The following RFC2 variants were observed in gnomAD, a reference collection of about 807,000 sequenced individuals.
The protein encoded by RFC2 is A1 40 kDa subunit.
In RFC2, 34 loss-of-function variants were observed where a neutral mutation model predicts 44.8. The ratio of observed to expected loss-of-function variants is 0.76; its 90% CI spans 0.58 to 1.01. RFC2 has a LOEUF of 1.01. Ranked by LOEUF, RFC2 falls within the 50% of genes least tolerant of loss-of-function variation. The pLI is 0.00. For synonymous variants in RFC2, 177 were observed against 168.9 expected (o/e 1.05, Z -0.37); for missense variants, 400 against 453.6 (o/e 0.88, Z 1.07).
At chr7:74,251,979 G>A (rs1554721159) in intron 2 of RFC2, among the ~76,000 whole-genome samples, 2 of 149,242 alleles carry the variant, frequency 1.3e-5, no homozygotes, top group African/African-American at 5.0e-5. Context: ...GGCGCCTGTA[G>A]TCCCAGTTAC....
At chr7:74,235,347 A>G (rs1328618046) in intron 10 of RFC2, among the ~76,000 whole-genome samples, 185 bp downstream of exon 10, 1 of 151,862 alleles carries the variant, frequency 6.6e-6, no homozygotes, top group Non-Finnish European at 1.5e-5. Context: ...ATGCCCAGCT[A>G]ATTTTTGTAT....
chr7:74,243,217 C>T lies in RFC2; in HGVS notation c.464G>A (p.Arg155Lys). Residue 155 changes from arginine (R) to lysine (K), a missense_variant, in exon 6 of 11, where the codon AGG (arginine) becomes AAG (lysine). Transcript: ENST00000055077. ...SMTDGAQQAL[R>K]RTMEIYSKTT... The stretch of plus-strand genomic sequence containing the variant: ...TTTAGAGTAGATTTCCATGGTTCTC[C>T]TCAAGGCTTGCTGGGCTCCGTCGGT... 6.2e-7 allele frequency: 1 copy of T among 1,613,850 alleles called. No individual in the cohort carries two copies. The highest frequency in any genetic ancestry group is 8.5e-7 in the Non-Finnish European group (1 of 1,179,804).
In RFC2 at chr7:74,238,963, A is replaced by G. The variant is rs1554718802; in HGVS notation, c.719T>C (p.Phe240Ser). The stretch of plus-strand genomic sequence containing the variant: ...ACTGTTAATGAAGCCAAATCCTGAG[A>G]AGGTGGACTGCAGGTTGTTCAGCGC... Reference protein sequence around the residue: ...RQALNNLQSTFSGFGFINSEN... With the variant: ...RQALNNLQSTSSGFGFINSEN... Residue 240 changes from phenylalanine (F) to serine (S), a missense_variant, in exon 8 of 11, where the codon TTC becomes TCC. Transcript: ENST00000055077. This position sits in a 1 kb window ranked among gnomAD's most constrained non-coding sequence, Gnocchi z 4.0. The G allele has an allele frequency of 1.2e-6, 2 of 1,613,990 alleles. No homozygotes were observed. The highest frequency in any genetic ancestry group is 2.2e-5 in the South Asian group (2 of 91,082).
Position 74,252,490 on chromosome 7 carries a change from T to C in RFC2, c.122A>G (p.Lys41Arg). The change falls in exon 2 of 11, where the codon AAA (lysine) becomes AGA (arginine). Residue 41 changes from lysine (K) to arginine (R), a missense_variant. By Grantham distance (26) the Lys-to-Arg change is conservative (BLOSUM62 2). Coordinates refer to ENST00000055077, the MANE Select transcript of RFC2 (RefSeq NM_181471.3). ...TTCATTCAGCTTTACTGGCCTATAT[T>C]TTTCAACCCTGTTAAGAAAATGCAT... ...AGHYELPWVE[K>R]YRPVKLNEIV... The C allele has an allele frequency of 6.3e-7, 1 of 1,596,954 alleles. No individual in the cohort carries two copies. Among genetic ancestry groups the C allele is most frequent in the East Asian group, 2.2e-5 (1 of 44,784 alleles).
intron 2 of RFC2, among the ~76,000 whole-genome samples, chr7:74,251,897 A>G (rs1435087519): frequency 1.4e-5 from 2 of 147,116 alleles, no homozygotes; most frequent in African/African-American, 2.5e-5. Context: ...GGAGATCGAG[A>G]CCATCCTGGC....
Position 74,238,457 on chromosome 7 carries a change from T to G in RFC2, c.759+466A>C, listed in dbSNP as rs560484690. Among the ~76,000 whole-genome samples, 1 of 152,150 alleles carries G rather than the reference T, an allele frequency of 6.6e-6. No homozygotes were observed. The highest frequency in any genetic ancestry group is 1.9e-4 in the East Asian group (1 of 5,164). On this transcript the variant is annotated intron_variant, in intron 8 of 10. Coordinates refer to ENST00000055077, the MANE Select transcript of RFC2 (RefSeq NM_181471.3). This position sits in a 1 kb window ranked among gnomAD's most constrained non-coding sequence, Gnocchi z 4.0. ...TGGCTTTGAGGGTTACTACCCACCC[T>G]CCAGGGGCAGAAGTGGGGAGCAGGG...
intron 4 of RFC2, among the ~76,000 whole-genome samples, chr7:74,247,448 T>C (rs988829408): frequency 6.6e-6 from 1 of 152,188 alleles, no homozygotes; most frequent in African/African-American, 2.4e-5. Context: ...AAGATCAACC[T>C]GGCCAACACG....
intron 8 of RFC2, among the ~76,000 whole-genome samples, chr7:74,237,667 A>T (rs1294787117): frequency 1.3e-5 from 2 of 152,204 alleles, no homozygotes; most frequent in Non-Finnish European, 2.9e-5. Context: ...AAGACAGATG[A>T]ACAAGAGAGC....
At chr7:74,237,223 C>A (rs1396425613) in intron 9 of RFC2, 139 bp downstream of exon 9, 7 of 605,072 alleles carry the variant, frequency 1.2e-5, no homozygotes, top group Non-Finnish European at 2.2e-5. Flanking sequence ...AACAAATCCT[C>A]CTGCCTCAGT....
intron 6 of RFC2, among the ~76,000 whole-genome samples, chr7:74,242,542 A>G (rs893897271): frequency 1.3e-5 from 2 of 152,152 alleles, no homozygotes; most frequent in African/African-American, 4.8e-5. Context: ...TCAATTAAAA[A>G]AATATAAATT....
At chr7:74,249,180 G>C in intron 3 of RFC2, 62 bp from the exon 4 acceptor site, 4 of 1,609,688 alleles carry the variant, frequency 2.5e-6, no homozygotes, top group Non-Finnish European at 3.4e-6. Context: ...TAGCTCTTGA[G>C]TTATGTTCAC....
rs1313468420 is a variant in RFC2, at chr7:74,246,655, A to ACT, written c.434+5_434+6dup. 1 of 1,576,162 alleles carries ACT rather than the reference A, an allele frequency of 6.3e-7. No homozygotes were observed. Among genetic ancestry groups the ACT allele is most frequent in the Non-Finnish European group, 8.7e-7 (1 of 1,149,614 alleles). On this transcript the variant is annotated splice_region_variant and intron_variant, in intron 5 of 10. Coordinates refer to ENST00000055077, the MANE Select transcript of RFC2 (RefSeq NM_181471.3). ...AAGGTCAAAATACATTTGGCAAAGC[A>ACT]CTCTACCTGTCTGCTTCATCCAGAA...
chr7:74,236,948 G>A (rs1803051295), intron 9 of RFC2, among the ~76,000 whole-genome samples: 1 of 151,666 alleles, frequency 6.6e-6, no homozygotes, highest in Non-Finnish European at 1.5e-5. Flanking sequence ...AACAGAGTAA[G>A]ACCCTGTTTC....
chr7:74,239,903 G>C, intron 7 of RFC2, 35 bp downstream of exon 7: 1 of 1,548,858 alleles, frequency 6.5e-7, no homozygotes, highest in Non-Finnish European at 8.8e-7. Context: ...GGCAGGCACA[G>C]GATGCCCACG....
chr7:74,246,395 T>A (rs1803608753), intron 5 of RFC2, among the ~76,000 whole-genome samples: 3 of 139,320 alleles, frequency 2.2e-5, no homozygotes, highest in Admixed American at 7.1e-5. Flanking sequence ...AGAAACTCCA[T>A]CTCAAAAAAA....
chr7:74,250,088 G>A (rs959333286), intron 2 of RFC2, among the ~76,000 whole-genome samples: 1 of 151,686 alleles, frequency 6.6e-6, no homozygotes. Context: ...GAGAAGTGGA[G>A]GCCGCAGTGA....
intron 2 of RFC2, among the ~76,000 whole-genome samples, chr7:74,251,274 G>A (rs1015028982): frequency 3.9e-5 from 6 of 152,054 alleles, no homozygotes; most frequent in South Asian, 2.1e-4. Context: ...CCTTGGCCTC[G>A]AGTAGCTGGG....
intron 5 of RFC2, among the ~76,000 whole-genome samples, chr7:74,246,218 TAC>T (rs1350658834): frequency 2.0e-5 from 3 of 148,460 alleles, no homozygotes; most frequent in Admixed American, 6.8e-5. Flanking sequence ...AATAAATAAA[TAC>T]AAATACAAAT....
Position 74,237,406 on chromosome 7 carries a change from T to G in RFC2, c.796A>C (p.Met266Leu). Residue 266 changes from methionine to leucine, a missense_variant, in exon 9 of 11, where the codon ATG (methionine) becomes CTG (leucine). Physicochemically the swap from Met to Leu is conservative, Grantham distance 15. Coordinates refer to ENST00000055077, the MANE Select transcript of RFC2 (RefSeq NM_181471.3). ...DEPHPLLVKE[M>L]IQHCVNANID... The stretch of plus-strand genomic sequence containing the variant: ...TTGGCATTCACACAGTGCTGGATCA[T>G]CTCCTTTACCAGCAGTGGGTGGGGC... 1.9e-6 allele frequency: 3 copies of G among 1,603,784 alleles called. No homozygotes were observed. Among genetic ancestry groups the G allele is most frequent in the Non-Finnish European group, 2.6e-6 (3 of 1,175,270 alleles).
Sources: gnomAD v4.1 joint callset for allele counts (sites outside exome capture counted in the v4.1 genomes callset) on GRCh38, gnomAD v4.1.1 for gene constraint, Gnocchi (gnomAD v3.1) non-coding constraint, MANE v1.5 for transcripts, NCBI Gene and HGNC (gene_info 2026-07-23, HGNC 2026-07-21) for gene names.